Variants in ZFC3H1 observed in about 807,000 individuals in gnomAD.
ZFC3H1 encodes zinc finger C3H1 domain-containing protein.
Under a neutral mutation model 243.7 loss-of-function variants are expected in ZFC3H1, and 71 were observed. That is an observed-to-expected ratio of 0.29 (90% CI 0.24 to 0.36). ZFC3H1 has a LOEUF of 0.36. Among genes scored for constraint, ZFC3H1 ranks in the 10% least tolerant of loss-of-function variants. The probability of loss-of-function intolerance (pLI) is 1.00; values close to 1 mark genes in which losing one functional copy is unlikely to be tolerated. For missense variants in ZFC3H1, 1,966 were observed against 2,317.1 expected (o/e 0.85, Z 3.11); for synonymous variants, 838 against 813.0 (o/e 1.03, Z -0.52).
intron 1 of ZFC3H1, among the ~76,000 whole-genome samples, chr12:71,659,994 A>G (rs905817282): frequency 6.6e-6 from 1 of 152,196 alleles, no homozygotes; most frequent in Non-Finnish European, 1.5e-5. Context: ...TGAAAATAAG[A>G]ACTGCAATTG....
intron 27 of ZFC3H1, among the ~76,000 whole-genome samples, chr12:71,616,244 C>A (rs978429107): frequency 1.3e-5 from 2 of 152,142 alleles, no homozygotes; most frequent in African/African-American, 4.8e-5. Context: ...TTACAGTGAG[C>A]TGAGATCACA....
rs768627215 is a variant in ZFC3H1, at chr12:71,644,259, C to G, written c.1339G>C (p.Glu447Gln). Reference sequence around the variant, plus strand: ...TCCTCTTCTTTCTGTCTTTCCTGCTCTTTTTGTTGTTGTAGTTTCTTCCAT... The same window carrying G: ...TCCTCTTCTTTCTGTCTTTCCTGCTGTTTTTGTTGTTGTAGTTTCTTCCAT... ...KAWKKLQQQK[E>Q]QERQKEEDQR... Residue 447 changes from glutamate (E) to glutamine (Q), a missense_variant, in exon 5 of 35, where the codon GAG becomes CAG. Physicochemically the swap from Glu to Gln is conservative, Grantham distance 29. Transcript: ENST00000378743. 9 of 1,613,070 alleles carry G rather than the reference C, an allele frequency of 5.6e-6. No individual in the cohort carries two copies. In the South Asian group the frequency reaches 8.8e-5, roughly 16 times the overall value.
chr12:71,634,967 T>C, intron 10 of ZFC3H1, 142 bp from the exon 11 acceptor site: 1 of 1,057,578 alleles, frequency 9.5e-7, no homozygotes, highest in African/African-American at 1.6e-5. Flanking sequence ...TATTCTTTTT[T>C]CTAAAACAAT....
intron 19 of ZFC3H1, 88 bp from the exon 20 acceptor site, chr12:71,629,125 A>T (rs1880247461): frequency 4.4e-6 from 5 of 1,146,024 alleles, no homozygotes; most frequent in Non-Finnish European, 6.0e-6. Context: ...TTTGAGAAGA[A>T]CTACATTCAC....
Position 71,614,946 on chromosome 12 carries a change from A to G in ZFC3H1, c.5256-8T>C, listed in dbSNP as rs774843295. 1.5e-5 allele frequency: 24 copies of G among 1,603,652 alleles called. 1 individual carries two copies. In the South Asian group the frequency reaches 2.3e-4, roughly 15 times the overall value. ...TGAAGAGGATGACAAAGGCTGTTTA[A>G]AAAATGAAGGAAAACATATGTCTAT... On this transcript the variant is annotated splice_polypyrimidine_tract_variant and splice_region_variant and intron_variant, in intron 28 of 34. Transcript: ENST00000378743.
rs1005340755 is a variant in ZFC3H1 at position 71,636,867 on chromosome 12, T to G, written c.1918A>C (p.Arg640=). ...EELLKSLANK[R]AFKPEETSSN... ...TAAATTACCTCTGGCTTAAAAGCTC[T>G]TTTATTTGCTAGAGATTTAAGTAGT... The change falls in exon 8 of 35, where the codon AGA becomes CGA. Residue 640 remains arginine, a synonymous_variant. Transcript: ENST00000378743. 1.9e-6 allele frequency: 3 copies of G among 1,613,960 alleles called. No individual in the cohort carries two copies. The African/African-American group carries it at 4.0e-5, about 22-fold the overall frequency.
In ZFC3H1 at chr12:71,631,973, T is replaced by C. The variant is rs1459549572; in HGVS notation, c.3359A>G (p.Gln1120Arg). The change falls in exon 15 of 35, where the codon CAG becomes CGG. Residue 1120 changes from glutamine (Q) to arginine (R), a missense_variant and splice_region_variant. Coordinates refer to ENST00000378743, the MANE Select transcript of ZFC3H1 (RefSeq NM_144982.5). ...AGAAAATATGAAATGTTCAGTTACC[T>C]GACCATGCAAAACCTTCTCTGTAAT... is the stretch of plus-strand genomic sequence containing the variant. ...TGITEKVLHG[Q>R]EISVDVDFVT... The C allele has an allele frequency of 1.2e-6, 2 of 1,600,966 alleles. No homozygotes were observed. Among genetic ancestry groups the C allele is most frequent in the Non-Finnish European group, 1.7e-6 (2 of 1,174,984 alleles).
chr12:71,647,383 G>A (rs1018628361), intron 3 of ZFC3H1, among the ~76,000 whole-genome samples: 57 of 152,042 alleles, frequency 3.7e-4, no homozygotes, highest in African/African-American at 1.4e-3. Context: ...AACAAGAAGT[G>A]GAGGTAGAAT....
intron 24 of ZFC3H1, 43 bp downstream of exon 24, chr12:71,623,317 T>C: frequency 6.8e-7 from 1 of 1,464,870 alleles, no homozygotes; most frequent in Non-Finnish European, 9.3e-7. Context: ...TAAACACTGA[T>C]GTTATAACAG....
chr12:71,642,595 T>C (rs976272437), intron 5 of ZFC3H1, 36 bp from the exon 6 acceptor site: 2 of 1,580,940 alleles, frequency 1.3e-6, no homozygotes, highest in Non-Finnish European at 1.7e-6. Context: ...TCAAAGCATT[T>C]TCTGTCTTGG....
chr12:71,646,608 T>C (rs1022657279), intron 3 of ZFC3H1, among the ~76,000 whole-genome samples: 6 of 152,210 alleles, frequency 3.9e-5, no homozygotes, highest in Admixed American at 2.0e-4. Context: ...CTTTTTGTTT[T>C]CTTGTTTTAA....
chr12:71,613,670 C>T, intron 30 of ZFC3H1: 1 of 339,700 alleles, frequency 2.9e-6, no homozygotes, highest in Non-Finnish European at 5.4e-6. Context: ...GACAAGAAGC[C>T]AGGAGTCTGG....
intron 18 of ZFC3H1, 141 bp downstream of exon 18, chr12:71,630,459 A>T: frequency 1.7e-6 from 2 of 1,194,984 alleles, no homozygotes; most frequent in South Asian, 1.6e-5. Context: ...ATTATACTGG[A>T]TACAGCAAAT....
At position 71,628,926 on chromosome 12, in the gene ZFC3H1, A is replaced by C. The variant is rs749964728; in HGVS notation, c.3938T>G (p.Ile1313Ser). 5 of 1,592,250 alleles carry C rather than the reference A, an allele frequency of 3.1e-6. No homozygotes were observed. The highest frequency in any genetic ancestry group is 4.3e-6 in the Non-Finnish European group (5 of 1,173,284). The change falls in exon 20 of 35, where the codon ATT (isoleucine) becomes AGT (serine). Residue 1313 changes from isoleucine to serine, a missense_variant. Coordinates refer to ENST00000378743, the MANE Select transcript of ZFC3H1 (RefSeq NM_144982.5). ...SSDEEQSTGPIKYAFQPENQI... is the reference protein window; with the variant it reads ...SSDEEQSTGPSKYAFQPENQI... ...ATTACATAACTTCTTACCATACTTA[A>C]TTGGTCCTGTAGACTGTTCCTCATC...
At chr12:71,619,761 G>A (rs1037842537) in intron 26 of ZFC3H1, among the ~76,000 whole-genome samples, 165 bp downstream of exon 26, 1 of 152,058 alleles carries the variant, frequency 6.6e-6, no homozygotes, top group African/African-American at 2.4e-5. Context: ...AAAGCAGCTA[G>A]GAATAAAATT....
intron 3 of ZFC3H1, among the ~76,000 whole-genome samples, chr12:71,646,605 T>A (rs1186711761): frequency 6.6e-6 from 1 of 152,174 alleles, no homozygotes; most frequent in Admixed American, 6.5e-5. Context: ...AGTCTTTTTG[T>A]TTTCTTGTTT....
At chr12:71,648,473 A>G (rs1880784949) in intron 2 of ZFC3H1, among the ~76,000 whole-genome samples, 1 of 152,224 alleles carries the variant, frequency 6.6e-6, no homozygotes, top group South Asian at 2.1e-4. Flanking sequence ...ATACTTTTGT[A>G]GCTAAAACAG....
chr12:71,657,259 G>T lies in ZFC3H1; in HGVS notation c.641C>A (p.Ser214Ter). 1.3e-6 allele frequency: 2 copies of T among 1,582,248 alleles called. No homozygotes were observed. The highest frequency in any genetic ancestry group is 1.2e-5 in the South Asian group (1 of 85,000). The change falls in exon 2 of 35, where the codon TCA becomes TAA. Residue 214 changes from serine (S) to a stop codon, truncating the protein, a stop_gained. Transcript: ENST00000378743. LOFTEE classifies it high-confidence loss of function. ...GRSPSRKQNYSSKNENCVEET... is the reference protein window; with the variant it reads ...GRSPSRKQNY ...TTCCACACAGTTTTCATTTTTTGAT[G>T]AATAATTTTGTTTTCTTGATGGAGA...
At chr12:71,653,452 AG>A (rs1880940391) in intron 2 of ZFC3H1, among the ~76,000 whole-genome samples, 1 of 152,182 alleles carries the variant, frequency 6.6e-6, no homozygotes, top group Admixed American at 6.5e-5. Context: ...AAAAAGAGAG[AG>A]AATGGGATAA....
Sources: allele counts gnomAD v4.1 joint callset (sites outside exome capture counted in the v4.1 genomes callset), GRCh38; gene constraint gnomAD v4.1.1; transcripts MANE v1.5; gene names NCBI Gene and HGNC (gene_info 2026-07-23, HGNC 2026-07-21).